Variants in VPS13A observed in about 807,000 individuals in gnomAD.
VPS13A encodes the protein intermembrane lipid transfer protein VPS13A.
In VPS13A, 264 loss-of-function variants were observed where a neutral mutation model predicts 390.9. That is an observed-to-expected ratio of 0.68 (90% CI 0.61 to 0.75). VPS13A has a LOEUF of 0.75. Among genes scored for constraint, VPS13A ranks in the 30% least tolerant of loss-of-function variants. VPS13A has a pLI of 0.00. For synonymous variants in VPS13A, 1,231 were observed against 1,227.1 expected, an observed-to-expected ratio of 1.00 and a Z score of -0.07; for missense variants, 3,409 against 3,733.9, an observed-to-expected ratio of 0.91 and a Z score of 2.27.
intron 68 of VPS13A, among the ~76,000 whole-genome samples, chr9:77,402,053 A>G (rs934340832): frequency 1.3e-5 from 2 of 152,180 alleles, no homozygotes; most frequent in Non-Finnish European, 2.9e-5. Context: ...ATAAGGGAGA[A>G]CTACTGTAAT....
chr9:77,289,399 C>T (rs954450142), intron 31 of VPS13A, among the ~76,000 whole-genome samples: 5 of 151,984 alleles, frequency 3.3e-5, no homozygotes, highest in African/African-American at 1.2e-4. Context: ...TTTTGTTTAT[C>T]CTATTGTATT....
intron 46 of VPS13A, among the ~76,000 whole-genome samples, chr9:77,333,377 T>C (rs1429151437): frequency 1.3e-5 from 2 of 151,872 alleles, no homozygotes; most frequent in Non-Finnish European, 2.9e-5. Context: ...AAGTACTTCA[T>C]CTTAAGTAGA....
Position 77,319,654 on chromosome 9 carries a change from C to A in VPS13A, c.5396C>A (p.Pro1799Gln). Residue 1799 changes from proline to glutamine, a missense_variant, in exon 42 of 72, where the codon CCA (proline) becomes CAA (glutamine). Physicochemically the swap from Pro to Gln is moderately conservative, Grantham distance 76 (BLOSUM62 -1). Transcript: ENST00000360280. Reference sequence around the variant, plus strand: ...ATTGATCAGACTGAGGATTTTAGACCATGGAATCTTGGTATCAAGGTATAT... The same window carrying A: ...ATTGATCAGACTGAGGATTTTAGACAATGGAATCTTGGTATCAAGGTATAT... ...LEIDQTEDFRPWNLGIKMKKK... is the reference protein window; with the variant it reads ...LEIDQTEDFRQWNLGIKMKKK... The A allele has an allele frequency of 6.2e-7, 1 of 1,603,026 alleles. No homozygotes were observed. Among genetic ancestry groups the A allele is most frequent in the Non-Finnish European group, 8.5e-7 (1 of 1,170,918 alleles).
At chr9:77,263,301 G>A (rs1297838793) in intron 23 of VPS13A, among the ~76,000 whole-genome samples, 1 of 151,852 alleles carries the variant, frequency 6.6e-6, no homozygotes, top group Non-Finnish European at 1.5e-5. Context: ...TAGAGATGGG[G>A]TTTCACCATT....
chr9:77,212,844 G>C, intron 7 of VPS13A, 125 bp from the exon 8 acceptor site: 2 of 960,604 alleles, frequency 2.1e-6, no homozygotes, highest in South Asian at 2.8e-5. Context: ...TTGATGGAGT[G>C]ATATGTCTTT....
Position 77,238,342 on chromosome 9 carries a change from C to T in VPS13A, c.1856C>T (p.Ala619Val), listed in dbSNP as rs1824272839. The change falls in exon 19 of 72, where the codon GCA (alanine) becomes GTA (valine). Residue 619 changes from alanine to valine, a missense_variant. Physicochemically the swap from Ala to Val is moderately conservative, Grantham distance 64. Coordinates refer to ENST00000360280, the MANE Select transcript of VPS13A (RefSeq NM_033305.3). ...KEVHLAQLTAATLTKLEEFRS... is the reference protein window; with the variant it reads ...KEVHLAQLTAVTLTKLEEFRS... ...GTACATCTAGCACAGCTCACTGCAGCAACTTTGACAAAACTGGAAGAATTT... is the reference window on the plus strand; with the variant it reads ...GTACATCTAGCACAGCTCACTGCAGTAACTTTGACAAAACTGGAAGAATTT... The T allele has an allele frequency of 6.2e-7, 1 of 1,613,968 alleles. No homozygotes were observed. Among genetic ancestry groups the T allele is most frequent in the Middle Eastern group, 1.7e-4 (1 of 6,058 alleles).
chr9:77,270,954 A>T (rs1025022013), intron 23 of VPS13A, among the ~76,000 whole-genome samples: 7 of 152,228 alleles, frequency 4.6e-5, no homozygotes, highest in African/African-American at 1.7e-4. Flanking sequence ...TGCAGTAGGT[A>T]AAGATACCTT....
chr9:77,373,382 G>A (rs960890835), intron 67 of VPS13A, among the ~76,000 whole-genome samples: 12 of 139,360 alleles, frequency 8.6e-5, no homozygotes, highest in Non-Finnish European at 1.9e-4. Flanking sequence ...ACAAGCAATG[G>A]GGAAAGGATT....
Position 77,276,611 on chromosome 9 carries a change from A to G in VPS13A, c.2824+390A>G, listed in dbSNP as rs114877072. Among the ~76,000 whole-genome samples the G allele has an allele frequency of 8.2e-3, 1,256 of 152,314 alleles. 20 individuals are homozygous for G. Among genetic ancestry groups the G allele is most frequent in the African/African-American group, 0.029 (1,207 of 41,558 alleles). ...CACAAGTCTCACTGGGCAAAACTCA[A>G]GGTGTCAGTAGGACTTCCTTTTAGG... On this transcript the variant is annotated intron_variant, in intron 26 of 71. Transcript: ENST00000360280.
At chr9:77,319,011 G>A (rs1829575369) in intron 41 of VPS13A, among the ~76,000 whole-genome samples, 3 of 151,926 alleles carry the variant, frequency 2.0e-5, no homozygotes, top group African/African-American at 4.8e-5. Flanking sequence ...GGGCAACATG[G>A]TGAAACCTTG....
At chr9:77,217,728 CAT>C (rs1822940370) in intron 10 of VPS13A, among the ~76,000 whole-genome samples, 1 of 151,548 alleles carries the variant, frequency 6.6e-6, no homozygotes, top group Non-Finnish European at 1.5e-5. Flanking sequence ...TGGTTGATAC[CAT>C]ATCTTTGCTA....
rs60578931 is a variant in VPS13A at position 77,400,827 on chromosome 9, GA to G, written c.9190-2393del. ...TGGGCAACAGAGCGAGACTCTGTCT[GA>G]AAAAAAAAAAAAAAAGTTATTAAAA... On this transcript the variant is annotated intron_variant, in intron 68 of 71. Coordinates refer to ENST00000360280, the MANE Select transcript of VPS13A (RefSeq NM_033305.3). 8.6e-3 allele frequency among the ~76,000 whole-genome samples: 1,153 copies of G among 133,452 alleles called. 7 individuals are homozygous for G. The highest frequency in any genetic ancestry group is 0.024 in the African/African-American group (832 of 35,146). 87.5% of individuals were successfully genotyped at this position (133,452 alleles called of 152,430 possible).
chr9:77,316,253 A>C lies in VPS13A; in HGVS notation c.4710A>C (p.Thr1570=). The C allele has an allele frequency of 6.2e-7, 1 of 1,613,204 alleles. No individual in the cohort carries two copies. Among genetic ancestry groups the C allele is most frequent in the Non-Finnish European group, 8.5e-7 (1 of 1,179,376 alleles). ...AAATTGTGTTTGTAGCTGACATGAC[A>C]AAAAATGATGCTCCTGCTTTAGTCA... The part of the protein sequence containing the change: ...NPEIVFVADM[T]KNDAPALVIT... Residue 1570 remains threonine, a synonymous_variant, in exon 39 of 72, where the codon ACA becomes ACC. Coordinates refer to ENST00000360280, the MANE Select transcript of VPS13A (RefSeq NM_033305.3).
chr9:77,241,723 A>G (rs891420981), intron 19 of VPS13A, among the ~76,000 whole-genome samples: 1 of 152,166 alleles, frequency 6.6e-6, no homozygotes, highest in Non-Finnish European at 1.5e-5. Flanking sequence ...TTCTTCTGCC[A>G]GGTACCTTGG....
intron 68 of VPS13A, among the ~76,000 whole-genome samples, chr9:77,387,532 CAT>C (rs1197629027): frequency 3.9e-5 from 6 of 152,124 alleles, no homozygotes; most frequent in African/African-American, 7.2e-5. Context: ...GCTTGAATAA[CAT>C]ATTGAAAACG....
At chr9:77,210,450 G>T (rs953032049) in intron 6 of VPS13A, among the ~76,000 whole-genome samples, 166 bp from the exon 7 acceptor site, 6 of 146,870 alleles carry the variant, frequency 4.1e-5, no homozygotes, top group Non-Finnish European at 7.4e-5. Context: ...GGATCTCACT[G>T]TGTTACCCAG....
chr9:77,203,884 CT>C (rs1825479745), intron 3 of VPS13A, among the ~76,000 whole-genome samples: 1 of 152,156 alleles, frequency 6.6e-6, no homozygotes, highest in African/African-American at 2.4e-5. Flanking sequence ...AGTTATTCCT[CT>C]TTTAGAAATC....
intron 31 of VPS13A, among the ~76,000 whole-genome samples, chr9:77,284,162 C>G (rs1827200851): frequency 6.6e-6 from 1 of 151,966 alleles, no homozygotes; most frequent in Admixed American, 6.5e-5. Context: ...TAATTTGTTA[C>G]TGGTTATAAA....
chr9:77,341,690 C>CTTTT (rs1830821898), intron 50 of VPS13A, among the ~76,000 whole-genome samples: 4 of 23,560 alleles, frequency 1.7e-4, no homozygotes, highest in African/African-American at 7.6e-4. Context: ...GGACATCTTT[C>CTTTT]CTTTTTTTTT....
Sources: allele counts gnomAD v4.1 joint callset (sites outside exome capture counted in the v4.1 genomes callset), GRCh38; gene constraint gnomAD v4.1.1; transcripts MANE v1.5; gene names NCBI Gene and HGNC (gene_info 2026-07-23, HGNC 2026-07-21).